The following PTPRG variants were observed in gnomAD, a reference collection of about 807,000 sequenced individuals.
PTPRG encodes the protein protein tyrosine phosphatase receptor type G.
PTPRG carries 102 observed loss-of-function variants against 165.3 expected under a neutral mutation model. That is an observed-to-expected ratio of 0.62 (90% confidence interval 0.53 to 0.73). The LOEUF (loss-of-function observed/expected upper bound fraction) is 0.73. Ranked by LOEUF, PTPRG falls within the 30% of genes least tolerant of loss-of-function variation. The pLI is 0.00. For missense variants in PTPRG, 1,866 were observed against 1,861.4 expected (o/e 1.00, Z -0.05); for synonymous variants, 675 against 669.5 (o/e 1.01, Z -0.13).
Position 62,255,345 on chromosome 3 carries a change from CATCT to C in PTPRG, c.2559+133_2559+136del. 1.5e-6 allele frequency: 1 copy of C among 675,114 alleles called. No individual in the cohort carries two copies. Among genetic ancestry groups the C allele is most frequent in the South Asian group, 2.2e-5 (1 of 44,544 alleles). The allele number at this position is 675,114 out of a possible 1,614,324, so 41.8% of individuals were successfully genotyped here. On this transcript the variant is annotated intron_variant, in intron 16 of 29. Transcript: ENST00000474889. This position sits in a 1 kb window ranked among gnomAD's most constrained non-coding sequence, Gnocchi z 4.0. ...CTACGGAAAGTGGAGTTTTTCTTTT[CATCT>C]ATTATTTTAATAGGCATTCTTTTCC...
chr3:61,918,061 A>C (rs2038986052), intron 2 of PTPRG, among the ~76,000 whole-genome samples: 2 of 152,256 alleles, frequency 1.3e-5, no homozygotes, highest in South Asian at 4.1e-4. Flanking sequence ...TAGAAGAAGC[A>C]GTTTATAGAA....
At chr3:61,757,135 G>A (rs1575638585) in intron 2 of PTPRG, among the ~76,000 whole-genome samples, 1 of 152,052 alleles carries the variant, frequency 6.6e-6, no homozygotes, top group African/African-American at 2.4e-5. Context: ...TTGAACTACA[G>A]GATGTATTAA....
intron 2 of PTPRG, among the ~76,000 whole-genome samples, chr3:61,925,084 A>G (rs115013815): frequency 0.016 from 2,421 of 152,354 alleles, 44 homozygotes; most frequent in South Asian, 0.082. Flanking sequence ...AATTTCTATT[A>G]GTTAAGCCAC....
intron 1 of PTPRG, among the ~76,000 whole-genome samples, chr3:61,640,999 GA>G (rs1372520679): frequency 1.3e-5 from 2 of 152,146 alleles, no homozygotes; most frequent in Non-Finnish European, 2.9e-5. Context: ...AGGAGATCAG[GA>G]GAAGATTCTT....
At chr3:61,960,714 GA>G (rs2040132037) in intron 2 of PTPRG, among the ~76,000 whole-genome samples, 1 of 152,124 alleles carries the variant, frequency 6.6e-6, no homozygotes, top group Admixed American at 6.5e-5. Context: ...TGGATCAGAA[GA>G]CAAGATGGTT....
At position 62,252,712 on chromosome 3, in the gene PTPRG, T is replaced by A. The variant is rs2106977523; in HGVS notation, c.2468-2412T>A. Among the ~76,000 whole-genome samples, 1 of 152,316 alleles carries A rather than the reference T, an allele frequency of 6.6e-6. No homozygotes were observed. The highest frequency in any genetic ancestry group is 2.1e-4 in the South Asian group (1 of 4,824). On this transcript the variant is annotated intron_variant, in intron 15 of 29. Coordinates refer to ENST00000474889, the MANE Select transcript of PTPRG (RefSeq NM_002841.4). This position sits in a 1 kb window ranked among gnomAD's most constrained non-coding sequence, Gnocchi z 4.6. Reference sequence around the variant, plus strand: ...GTAATAGAAAAATTATGAGAATGATTAGAATAATTAGTCATAGCCTTATAT... The same window carrying A: ...GTAATAGAAAAATTATGAGAATGATAAGAATAATTAGTCATAGCCTTATAT...
At chr3:62,128,397 G>A (rs1437903229) in intron 5 of PTPRG, among the ~76,000 whole-genome samples, 1 of 152,174 alleles carries the variant, frequency 6.6e-6, no homozygotes, top group South Asian at 2.1e-4. Flanking sequence ...AAATTGAGTG[G>A]ATGTCAAGTA....
chr3:61,986,241 G>C (rs1318519923), intron 2 of PTPRG, among the ~76,000 whole-genome samples: 1 of 150,980 alleles, frequency 6.6e-6, no homozygotes, highest in Non-Finnish European at 1.5e-5. Context: ...TGTTTTAAGG[G>C]CTTACTGTAT....
intron 8 of PTPRG, among the ~76,000 whole-genome samples, chr3:62,176,022 G>T (rs150634606): frequency 6.6e-6 from 1 of 152,192 alleles, no homozygotes; most frequent in South Asian, 2.1e-4. Context: ...GCAGTGGGAA[G>T]CCTCTGGAGG....
chr3:61,811,403 C>G (rs753538634), intron 2 of PTPRG, among the ~76,000 whole-genome samples: 1 of 152,174 alleles, frequency 6.6e-6, no homozygotes, highest in Non-Finnish European at 1.5e-5. Flanking sequence ...CTTTTTTCCC[C>G]TCTTGCTTTT....
intron 4 of PTPRG, among the ~76,000 whole-genome samples, chr3:62,076,109 C>T (rs1203470690): frequency 6.6e-6 from 1 of 151,968 alleles, no homozygotes; most frequent in Non-Finnish European, 1.5e-5. Flanking sequence ...GACGCTGCCT[C>T]TAAAAATGTA....
At chr3:62,179,312 TG>T in intron 8 of PTPRG, among the ~76,000 whole-genome samples, 1 of 152,300 alleles carries the variant, frequency 6.6e-6, no homozygotes, top group East Asian at 1.9e-4. Context: ...GCTTCACTCC[TG>T]GGCAACTCTC....
chr3:62,186,567 C>CCTTTTTTTTTTTTTTTTTTTTTT (rs1705895088), intron 8 of PTPRG, among the ~76,000 whole-genome samples: 1 of 117,540 alleles, frequency 8.5e-6, no homozygotes, highest in African/African-American at 3.5e-5. Flanking sequence ...TTTTCTTTTC[C>CCTTTTTTTTTTTTTTTTTTTTTT]TTTTTTTTTT....
chr3:61,771,950 C>T (rs552540141), intron 2 of PTPRG, among the ~76,000 whole-genome samples: 35 of 150,604 alleles, frequency 2.3e-4, no homozygotes, highest in Non-Finnish European at 2.9e-5. Flanking sequence ...ATCCCAGCTA[C>T]TCAGGAGGCT....
intron 1 of PTPRG, among the ~76,000 whole-genome samples, chr3:61,570,499 A>C (rs1281237879): frequency 6.6e-6 from 1 of 152,198 alleles, no homozygotes; most frequent in African/African-American, 2.4e-5. Context: ...TGTCTTTCTA[A>C]GTGAGTGAAG....
intron 5 of PTPRG, among the ~76,000 whole-genome samples, chr3:62,130,313 G>A (rs774544921): frequency 3.3e-5 from 5 of 152,186 alleles, no homozygotes; most frequent in Non-Finnish European, 5.9e-5. Context: ...GGATTCCAAA[G>A]AATCTGAGTG....
chr3:61,784,627 T>A (rs1258200236), intron 2 of PTPRG, among the ~76,000 whole-genome samples: 1 of 152,186 alleles, frequency 6.6e-6, no homozygotes, highest in Non-Finnish European at 1.5e-5. Context: ...AAGTTGGGTA[T>A]GCATAACGCT....
chr3:62,015,149 T>A (rs2041510718), intron 4 of PTPRG, among the ~76,000 whole-genome samples: 1 of 152,268 alleles, frequency 6.6e-6, no homozygotes. Flanking sequence ...CATTTCTAAA[T>A]GACGCACAGT....
At chr3:61,965,213 C>T (rs1270050962) in intron 2 of PTPRG, among the ~76,000 whole-genome samples, 2 of 149,314 alleles carry the variant, frequency 1.3e-5, no homozygotes, top group African/African-American at 2.5e-5. Flanking sequence ...CATTGCACTC[C>T]AGCTTGGGCA....
Sources: allele counts gnomAD v4.1 joint callset (sites outside exome capture counted in the v4.1 genomes callset), GRCh38; gene constraint gnomAD v4.1.1; non-coding constraint Gnocchi (gnomAD v3.1); transcripts MANE v1.5; gene names NCBI Gene and HGNC (gene_info 2026-07-23, HGNC 2026-07-21).